FGA: variants seen among roughly 807,000 people sequenced by gnomAD.
FGA encodes the protein fibrinogen alpha chain.
A neutral mutation model predicts 20.3 loss-of-function variants in FGA; 20 were observed. That is an observed-to-expected ratio of 0.99 (90% CI 0.69 to 1.43). FGA has a LOEUF of 1.43. Among genes scored for constraint, FGA ranks in the 40% most tolerant of loss-of-function variants. FGA has a pLI of 0.00. For synonymous variants in FGA, 306 were observed against 281.6 expected, an observed-to-expected ratio of 1.09 and a Z score of -0.87; for missense variants, 777 against 784.7, an observed-to-expected ratio of 0.99 and a Z score of 0.12.
At chr4:154,590,551 G>A in intron 1 of FGA, 83 bp downstream of exon 1, 2 of 1,153,014 alleles carry the variant, frequency 1.7e-6, no homozygotes. Context: ...TCAGGACATA[G>A]AGCAGGTAGA....
downstream of FGA, chr4:154,584,050 T>G (rs1730645738): frequency 2.4e-6 from 3 of 1,225,598 alleles, no homozygotes. Context: ...GAATCTCAAC[T>G]GCTTTACCTT....
intron 3 of FGA, 126 bp from the exon 4 acceptor site, chr4:154,587,783 GAA>G (rs1267756227): frequency 5.7e-6 from 4 of 704,882 alleles, no homozygotes; most frequent in Admixed American, 2.7e-5. Context: ...AAGAAAGAAA[GAA>G]AGAAAGAAAG....
At chr4:154,584,890 T>C (rs1560823940), downstream of FGA, 1 of 1,281,512 alleles carries the variant, frequency 7.8e-7, no homozygotes, top group South Asian at 1.2e-5. Flanking sequence ...TTTACAAAGA[T>C]AGGCACGGCT....
chr4:154,589,051 G>T, intron 2 of FGA, 75 bp from the exon 3 acceptor site: 1 of 1,290,092 alleles, frequency 7.8e-7, no homozygotes, highest in Non-Finnish European at 1.1e-6. Flanking sequence ...TTTCCATGCA[G>T]CCCCCATTTC....
chr4:154,585,151 C>T, downstream of FGA: 2 of 958,084 alleles, frequency 2.1e-6, no homozygotes, highest in Non-Finnish European at 1.4e-6. Flanking sequence ...TTTAGCCTGA[C>T]CTAAATGTCA....
At chr4:154,588,059 T>G (rs1226366598) in intron 3 of FGA, among the ~76,000 whole-genome samples, 1 of 152,218 alleles carries the variant, frequency 6.6e-6, no homozygotes, top group African/African-American at 2.4e-5. Flanking sequence ...TTCAATTATT[T>G]TATAACATCC....
intron 4 of FGA, 67 bp downstream of exon 4, chr4:154,587,445 T>A: frequency 7.1e-7 from 1 of 1,415,626 alleles, no homozygotes; most frequent in Non-Finnish European, 1.0e-6. Flanking sequence ...ACTCAGTGCA[T>A]AACTATCGCC....
chr4:154,587,746 A>C, intron 3 of FGA, 89 bp from the exon 4 acceptor site: 2 of 166,616 alleles, frequency 1.2e-5, no homozygotes, highest in Non-Finnish European at 2.3e-5. Flanking sequence ...GGAAGGAAGG[A>C]GAAAGAAAGA....
downstream of FGA, chr4:154,584,137 A>G (rs1560823164): frequency 8.9e-6 from 11 of 1,242,160 alleles, no homozygotes; most frequent in South Asian, 1.7e-5. Flanking sequence ...TTGGGTCACA[A>G]GGGGCCTAAT....
At position 154,586,260 on chromosome 4, in the gene FGA, G is replaced by C; in HGVS notation, c.1169C>G (p.Ser390Cys). Residue 390 changes from serine (S) to cysteine (C), a missense_variant, in exon 5 of 5, where the codon TCT (serine) becomes TGT (cysteine). Ser to Cys is a moderately radical substitution (Grantham distance 112). Transcript: ENST00000403106. ...TGGGCTATCTGGCCTAAAACTTCCA[G>C]ATTCAGAGTGCCATTGTCCAGTACT... ...SGSTGQWHSESGSFRPDSPGS... is the reference protein window; with the variant it reads ...SGSTGQWHSECGSFRPDSPGS... 6.2e-7 allele frequency: 1 copy of C among 1,614,138 alleles called. No homozygotes were observed. The highest frequency in any genetic ancestry group is 8.5e-7 in the Non-Finnish European group (1 of 1,179,980).
intron 3 of FGA, among the ~76,000 whole-genome samples, chr4:154,588,394 G>C (rs1051499018): frequency 2.6e-5 from 4 of 152,160 alleles, no homozygotes; most frequent in Admixed American, 2.6e-4. Flanking sequence ...GCTCAGTGGA[G>C]TCTGGGAGTT....
chr4:154,586,254 C>G lies in FGA; in HGVS notation c.1175G>C (p.Ser392Thr), dbSNP rs763620151. The change falls in exon 5 of 5, where the codon AGT becomes ACT. Residue 392 changes from serine (S) to threonine (T), a missense_variant. Transcript: ENST00000403106. ...STGQWHSESG[S>T]FRPDSPGSGN... ...AGAGCCTGGGCTATCTGGCCTAAAACTTCCAGATTCAGAGTGCCATTGTCC... is the reference window on the plus strand; with the variant it reads ...AGAGCCTGGGCTATCTGGCCTAAAAGTTCCAGATTCAGAGTGCCATTGTCC... 2 of 1,614,084 alleles carry G rather than the reference C, an allele frequency of 1.2e-6. No individual in the cohort carries two copies. The highest frequency in any genetic ancestry group is 2.2e-5 in the East Asian group (1 of 44,878).
In FGA at chr4:154,585,974, G is replaced by A. The variant is rs774171561; in HGVS notation, c.1455C>T (p.Ser485=). 1.2e-5 allele frequency: 19 copies of A among 1,613,964 alleles called. No homozygotes were observed. Among genetic ancestry groups the A allele is most frequent in the South Asian group, 7.7e-5 (7 of 91,080 alleles). ...CCTCGGGACAGTCAGAACCATCTTC[G>A]GAGGTCACCACTTCTTTGGTAACTT... The part of the protein sequence containing the change: ...HKEVTKEVVT[S]EDGSDCPEAM... Residue 485 remains serine (S), a synonymous_variant, in exon 5 of 5, where the codon TCC becomes TCT. Coordinates refer to ENST00000403106, the MANE Select transcript of FGA (RefSeq NM_021871.4).
intron 4 of FGA, 105 bp downstream of exon 4, chr4:154,587,407 A>G (rs1304144194): frequency 9.4e-7 from 1 of 1,064,428 alleles, no homozygotes; most frequent in East Asian, 2.4e-5. Context: ...GATGATGGAT[A>G]TAACACTTTT....
In FGA at chr4:154,590,631, T is replaced by C; in HGVS notation, c.54+3A>G. On this transcript the variant is annotated splice_donor_region_variant and intron_variant, in intron 1 of 4. Coordinates refer to ENST00000403106, the MANE Select transcript of FGA (RefSeq NM_021871.4). ...CAAGAAGAAAAAATGAAAAGGGCCA[T>C]ACCCATGCTGTGCCCACCACACTTA... is the stretch of plus-strand genomic sequence containing the variant. 1 of 1,543,890 alleles carries C rather than the reference T, an allele frequency of 6.5e-7. No individual in the cohort carries two copies. Among genetic ancestry groups the C allele is most frequent in the Non-Finnish European group, 8.8e-7 (1 of 1,138,566 alleles).
chr4:154,585,403 A>C lies in FGA; in HGVS notation c.*91T>G. 8.8e-7 allele frequency: 1 copy of C among 1,137,770 alleles called. No homozygotes were observed. Among genetic ancestry groups the C allele is most frequent in the South Asian group, 1.5e-5 (1 of 67,586 alleles). The allele number at this position is 1,137,770 out of a possible 1,614,324, so 70.5% of individuals were successfully genotyped here. On this transcript the variant is annotated 3_prime_UTR_variant, in exon 5 of 5. Transcript: ENST00000403106. ...TTACAGTCTAGCACAAAAACAGACC[A>C]AAAAAGTGTAGTTTCAATGACGTGT...
intron 2 of FGA, 64 bp from the exon 3 acceptor site, chr4:154,589,040 G>A: frequency 7.1e-7 from 1 of 1,409,862 alleles, no homozygotes; most frequent in Non-Finnish European, 1.0e-6. Flanking sequence ...AATTTTGCAT[G>A]TTTCCATGCA....
In FGA at chr4:154,588,804, G is replaced by A; in HGVS notation, c.353C>T (p.Ser118Phe). 1 of 1,609,174 alleles carries A rather than the reference G, an allele frequency of 6.2e-7. No individual in the cohort carries two copies. The highest frequency in any genetic ancestry group is 8.5e-7 in the Non-Finnish European group (1 of 1,177,048). Residue 118 changes from serine (S) to phenylalanine (F), a missense_variant, in exon 3 of 5, where the codon TCC becomes TTC. Transcript: ENST00000403106. ...NIMEILRGDFSSANNRDNTYN... is the reference protein window; with the variant it reads ...NIMEILRGDFFSANNRDNTYN... ...TATGTAATACTTACTATTGGCTGAG[G>A]AAAAATCGCCTCTCAAAATTTCCAT...
chr4:154,586,993 G>A, intron 4 of FGA, 75 bp from the exon 5 acceptor site: 1 of 1,461,438 alleles, frequency 6.8e-7, no homozygotes, highest in Non-Finnish European at 9.4e-7. Context: ...GTTCCTGGTA[G>A]TTAATTTTCC....
Sources: gnomAD v4.1 joint callset for allele counts (sites outside exome capture counted in the v4.1 genomes callset) on GRCh38, gnomAD v4.1.1 for gene constraint, MANE v1.5 for transcripts, NCBI Gene and HGNC (gene_info 2026-07-23, HGNC 2026-07-21) for gene names.